Variants in RPS6KC1 observed in about 807,000 individuals in gnomAD.
The protein encoded by RPS6KC1 is inactive ribosomal protein S6 kinase delta-1.
RPS6KC1 carries 54 observed loss-of-function variants against 103.8 expected under a neutral mutation model. That is an observed-to-expected ratio of 0.52 (90% CI 0.42 to 0.65). The LOEUF (loss-of-function observed/expected upper bound fraction) is 0.65, where lower values mean the gene tolerates loss of function less well. Among genes scored for constraint, RPS6KC1 ranks in the 30% least tolerant of loss-of-function variants. The pLI is 0.00. For missense variants in RPS6KC1, 1,151 were observed against 1,253.8 expected, an observed-to-expected ratio of 0.92 and a Z score of 1.24; for synonymous variants, 439 against 438.7, an observed-to-expected ratio of 1.00 and a Z score of -0.01.
intron 6 of RPS6KC1, among the ~76,000 whole-genome samples, chr1:213,152,232 G>A (rs2089191930): frequency 7.5e-6 from 1 of 133,740 alleles, no homozygotes; most frequent in South Asian, 2.5e-4. Flanking sequence ...GCGGGGGGCT[G>A]ATGCCCCCAC....
At chr1:213,681,277 A>G in the RPS6KC1 span, among the ~76,000 whole-genome samples, 1 of 152,212 alleles carries the variant, frequency 6.6e-6, no homozygotes, top group Non-Finnish European at 1.5e-5. Context: ...CTGGGTGTGA[A>G]GATGGAGGGC....
intron 1 of RPS6KC1, among the ~76,000 whole-genome samples, chr1:213,061,433 A>T (rs1339118171): frequency 6.6e-6 from 1 of 152,180 alleles, no homozygotes; most frequent in Admixed American, 6.5e-5. Context: ...AACCAGCCCA[A>T]ATATTCTTGC....
chr1:213,329,632 A>T, the RPS6KC1 span, among the ~76,000 whole-genome samples: 1 of 151,876 alleles, frequency 6.6e-6, no homozygotes, highest in Non-Finnish European at 1.5e-5. Context: ...ACAAAGCTGA[A>T]CTTTCCCACT....
the RPS6KC1 span, among the ~76,000 whole-genome samples, chr1:213,601,074 G>A: frequency 6.6e-6 from 1 of 152,142 alleles, no homozygotes; most frequent in Admixed American, 6.5e-5. Flanking sequence ...CTGCCACCCT[G>A]GCATGGTGCC....
the RPS6KC1 span, among the ~76,000 whole-genome samples, chr1:213,697,442 T>A: frequency 6.6e-6 from 1 of 152,162 alleles, no homozygotes; most frequent in Non-Finnish European, 1.5e-5. Flanking sequence ...TGCTTTGGAG[T>A]GGGTTACTGA....
chr1:213,171,970 C>T (rs1161855253), intron 7 of RPS6KC1, among the ~76,000 whole-genome samples: 1 of 152,128 alleles, frequency 6.6e-6, no homozygotes, highest in Non-Finnish European at 1.5e-5. Context: ...GTGGTGCTTT[C>T]CTTTTGCCCT....
At chr1:213,607,687 T>TCACA in the RPS6KC1 span, among the ~76,000 whole-genome samples, 1 of 42,992 alleles carries the variant, frequency 2.3e-5, no homozygotes, top group Admixed American at 1.9e-4. Flanking sequence ...ACAGTTGCAA[T>TCACA]TACACACACA....
the RPS6KC1 span, among the ~76,000 whole-genome samples, chr1:213,630,316 C>T: frequency 2.6e-5 from 4 of 152,284 alleles, no homozygotes; most frequent in East Asian, 5.8e-4. Context: ...CTTCTCACTT[C>T]GTTTCATTCA....
chr1:213,121,210 T>C (rs1047429636), intron 5 of RPS6KC1, among the ~76,000 whole-genome samples: 1 of 152,194 alleles, frequency 6.6e-6, no homozygotes, highest in African/African-American at 2.4e-5. Flanking sequence ...GCTCGCATTA[T>C]GGGTGTGAGC....
the RPS6KC1 span, among the ~76,000 whole-genome samples, chr1:213,614,254 A>C: frequency 8.5e-5 from 13 of 152,180 alleles, no homozygotes; most frequent in Non-Finnish European, 1.8e-4. Context: ...TTTCTTTAGG[A>C]ATTACATGGA....
chr1:213,688,465 A>G, the RPS6KC1 span, among the ~76,000 whole-genome samples: 1 of 152,222 alleles, frequency 6.6e-6, no homozygotes, highest in Non-Finnish European at 1.5e-5. Flanking sequence ...GTACTTCTGA[A>G]CATGGCCGGA....
the RPS6KC1 span, among the ~76,000 whole-genome samples, chr1:213,701,718 C>T: frequency 2.6e-5 from 4 of 152,000 alleles, no homozygotes; most frequent in African/African-American, 9.7e-5. Flanking sequence ...TCATTGCAGC[C>T]ACTAATGATT....
At chr1:213,096,455 AGGGT>A (rs2081460611) in intron 3 of RPS6KC1, among the ~76,000 whole-genome samples, 1 of 144,626 alleles carries the variant, frequency 6.9e-6, no homozygotes, top group African/African-American at 2.5e-5. Context: ...TTGGGAGGGC[AGGGT>A]GGGTGGATCA....
the RPS6KC1 span, among the ~76,000 whole-genome samples, chr1:213,608,239 G>A: frequency 5.9e-5 from 9 of 152,256 alleles, no homozygotes; most frequent in East Asian, 3.9e-4. Context: ...ACGGTGCCCC[G>A]GGGTTCCACA....
intron 14 of RPS6KC1, among the ~76,000 whole-genome samples, chr1:213,268,456 A>C (rs1481677930): frequency 1.3e-5 from 2 of 151,802 alleles, no homozygotes; most frequent in Non-Finnish European, 2.9e-5. Flanking sequence ...ATGACACACC[A>C]GGTAGTAACT....
chr1:213,739,985 A>T, the RPS6KC1 span, among the ~76,000 whole-genome samples: 1 of 152,188 alleles, frequency 6.6e-6, no homozygotes, highest in Non-Finnish European at 1.5e-5. Flanking sequence ...AGAGTGACCA[A>T]TCCAGGGTGG....
At chr1:213,149,688 GATGTTTCT>G (rs1377851530) in intron 6 of RPS6KC1, among the ~76,000 whole-genome samples, 1 of 152,140 alleles carries the variant, frequency 6.6e-6, no homozygotes, top group African/African-American at 2.4e-5. Context: ...GATTAAGCCT[GATGTTTCT>G]TTGTTGCTTT....
chr1:213,750,324 T>C, the RPS6KC1 span, among the ~76,000 whole-genome samples: 10 of 152,246 alleles, frequency 6.6e-5, no homozygotes, highest in Non-Finnish European at 1.5e-5. Flanking sequence ...ATTTTATTGG[T>C]AGTCTGAGGG....
the RPS6KC1 span, among the ~76,000 whole-genome samples, chr1:213,749,946 C>A: frequency 6.6e-6 from 1 of 152,212 alleles, no homozygotes; most frequent in East Asian, 1.9e-4. Context: ...TGTTTGTTTA[C>A]CTAACTTCAA....
Sources: gnomAD v4.1 joint callset for allele counts (sites outside exome capture counted in the v4.1 genomes callset) on GRCh38, gnomAD v4.1.1 for gene constraint, MANE v1.5 for transcripts, NCBI Gene and HGNC (gene_info 2026-07-23, HGNC 2026-07-21) for gene names.